The following RBFOX1 variants were observed in gnomAD, a reference collection of about 807,000 sequenced individuals.
RBFOX1 encodes the protein RNA binding protein fox-1 homolog 1.
A neutral mutation model predicts 57.7 loss-of-function variants in RBFOX1; 8 were observed. That is an observed-to-expected ratio of 0.14 (90% confidence interval 0.08 to 0.25). RBFOX1 has a LOEUF of 0.25. Ranked by LOEUF, RBFOX1 falls within the 10% of genes least tolerant of loss-of-function variation. RBFOX1 has a pLI of 1.00. For missense variants in RBFOX1, 611 were observed against 548.5 expected (o/e 1.11, Z -1.14); for synonymous variants, 326 against 222.4 (o/e 1.47, Z -4.15).
chr16:5,719,729 C>G (rs1220464784), intron 3 of RBFOX1, among the ~76,000 whole-genome samples: 1 of 152,100 alleles, frequency 6.6e-6, no homozygotes, highest in African/African-American at 2.4e-5. Context: ...CTGCTGTAGC[C>G]TATGTCAATA....
chr16:6,819,344 T>C (rs957027640), intron 3 of RBFOX1, among the ~76,000 whole-genome samples: 1 of 152,296 alleles, frequency 6.6e-6, no homozygotes, highest in African/African-American at 2.4e-5. Context: ...ATAAATAATA[T>C]TGGTCTACAG....
intron 4 of RBFOX1, among the ~76,000 whole-genome samples, chr16:7,334,742 G>A (rs910836363): frequency 7.9e-5 from 12 of 152,176 alleles, no homozygotes; most frequent in African/African-American, 2.9e-4. Context: ...AGTGATAGAT[G>A]AGAAGATGCA....
At chr16:7,424,855 C>A (rs774836074) in intron 4 of RBFOX1, among the ~76,000 whole-genome samples, 3 of 152,064 alleles carry the variant, frequency 2.0e-5, no homozygotes, top group Non-Finnish European at 2.9e-5. Flanking sequence ...CTGGAAATAA[C>A]AGGTGTTATT....
chr16:6,661,929 A>G (rs2098703987), intron 3 of RBFOX1, among the ~76,000 whole-genome samples: 1 of 152,236 alleles, frequency 6.6e-6, no homozygotes, highest in African/African-American at 2.4e-5. Flanking sequence ...TGGGAGTTCT[A>G]CAATGGAATA....
At chr16:6,012,789 G>T (rs2094969435) in intron 4 of RBFOX1, among the ~76,000 whole-genome samples, 1 of 152,102 alleles carries the variant, frequency 6.6e-6, no homozygotes, top group African/African-American at 2.4e-5. Context: ...CTCATTGCAA[G>T]GTACCTGTAG....
chr16:6,816,576 C>A (rs149825566), intron 3 of RBFOX1, among the ~76,000 whole-genome samples: 70 of 151,804 alleles, frequency 4.6e-4, no homozygotes, highest in African/African-American at 1.5e-3. Flanking sequence ...CCCGTCTCTA[C>A]TAAAAATACA....
intron 1 of RBFOX1, among the ~76,000 whole-genome samples, chr16:6,148,891 C>G (rs377562232): frequency 3.9e-5 from 6 of 152,216 alleles, no homozygotes; most frequent in African/African-American, 9.6e-5. Context: ...TTTCCACCCC[C>G]CTCCCTGCCA....
rs199770238 is a variant in RBFOX1, at chr16:6,874,181, A to G, written c.-15-177876A>G. On this transcript the variant is annotated intron_variant, in intron 3 of 15. Transcript: ENST00000550418. ...TGGATAAAGAAACTATGGTGTGTGC[A>G]TACACACACAAACACATGCTACTCA... 1.2e-4 allele frequency among the ~76,000 whole-genome samples: 7 copies of G among 58,980 alleles called. No individual in the cohort carries two copies. The South Asian group carries it at 4.2e-3, about 35-fold the overall frequency. 38.7% of individuals were successfully genotyped at this position (58,980 alleles called of 152,430 possible). A position where few individuals can be genotyped will look rare whatever the true frequency, so the allele number is the denominator to read the frequency against.
chr16:7,090,977 C>T (rs908839255), intron 4 of RBFOX1, among the ~76,000 whole-genome samples: 2 of 152,170 alleles, frequency 1.3e-5, no homozygotes, highest in African/African-American at 2.4e-5. Flanking sequence ...TGAGCTGTTT[C>T]TCCTAGGGCT....
chr16:5,346,175 C>T (rs1014546521), intron 1 of RBFOX1, among the ~76,000 whole-genome samples: 2 of 152,088 alleles, frequency 1.3e-5, no homozygotes, highest in African/African-American at 2.4e-5. Context: ...AGGGGAGTTT[C>T]GATCCTACAG....
chr16:7,500,434 G>T (rs1371784042), intron 4 of RBFOX1, among the ~76,000 whole-genome samples: 1 of 152,182 alleles, frequency 6.6e-6, no homozygotes, highest in Non-Finnish European at 1.5e-5. Flanking sequence ...TGTTTCAACT[G>T]TTATAATGTC....
intron 4 of RBFOX1, among the ~76,000 whole-genome samples, chr16:7,489,569 G>A (rs571968749): frequency 6.6e-6 from 1 of 152,092 alleles, no homozygotes; most frequent in Non-Finnish European, 1.5e-5. Flanking sequence ...AGGCTGGAAT[G>A]CGGTGGTACC....
chr16:7,505,242 CAA>C (rs34767987), intron 4 of RBFOX1, among the ~76,000 whole-genome samples: 80 of 113,880 alleles, frequency 7.0e-4, no homozygotes, highest in Admixed American at 9.3e-4. Context: ...AGTGATGGAC[CAA>C]AAAAAAAAAA....
chr16:6,982,247 G>C (rs565483814), intron 3 of RBFOX1, among the ~76,000 whole-genome samples: 1 of 152,130 alleles, frequency 6.6e-6, no homozygotes, highest in Non-Finnish European at 1.5e-5. Context: ...AAATGTAGCT[G>C]CTTTCAATTT....
At chr16:7,426,456 A>G (rs986836587) in intron 4 of RBFOX1, among the ~76,000 whole-genome samples, 1 of 152,168 alleles carries the variant, frequency 6.6e-6, no homozygotes, top group African/African-American at 2.4e-5. Context: ...GCTCTTAGCT[A>G]ATGATAGTTT....
At chr16:6,433,968 C>T (rs1438656407) in intron 2 of RBFOX1, among the ~76,000 whole-genome samples, 1 of 151,908 alleles carries the variant, frequency 6.6e-6, no homozygotes, top group African/African-American at 2.4e-5. Flanking sequence ...ATGCCTCATC[C>T]TCCCAAGTAG....
At chr16:5,494,126 C>T (rs2042924216) in intron 2 of RBFOX1, among the ~76,000 whole-genome samples, 1 of 152,140 alleles carries the variant, frequency 6.6e-6, no homozygotes, top group South Asian at 2.1e-4. Flanking sequence ...TGTCCTGAGG[C>T]TGGGGTATGA....
At chr16:7,290,682 C>T (rs991817470) in intron 4 of RBFOX1, among the ~76,000 whole-genome samples, 1 of 152,184 alleles carries the variant, frequency 6.6e-6, no homozygotes, top group African/African-American at 2.4e-5. Context: ...AGGTGGTGAG[C>T]ATGCAACATT....
intron 2 of RBFOX1, among the ~76,000 whole-genome samples, chr16:5,594,387 T>C (rs1463235096): frequency 6.6e-6 from 1 of 152,220 alleles, no homozygotes; most frequent in African/African-American, 2.4e-5. Context: ...AAGTTTATTT[T>C]TCCAGGGTTG....
Sources: gnomAD v4.1 joint callset for allele counts (sites outside exome capture counted in the v4.1 genomes callset) on GRCh38, gnomAD v4.1.1 for gene constraint, MANE v1.5 for transcripts, NCBI Gene and HGNC (gene_info 2026-07-23, HGNC 2026-07-21) for gene names.